The following MYO9A variants were observed in gnomAD, a reference collection of about 807,000 sequenced individuals.
MYO9A encodes myosin IXA.
Under a neutral mutation model 293.3 loss-of-function variants are expected in MYO9A, and 103 were observed. The observed-to-expected ratio is 0.35, with a 90% confidence interval of 0.30 to 0.41. The LOEUF is 0.41. MYO9A is among the 10% of genes least tolerant of loss of function. MYO9A has a pLI of 1.00. For synonymous variants in MYO9A, 1,001 were observed against 1,035.7 expected, an observed-to-expected ratio of 0.97 and a Z score of 0.64; for missense variants, 2,685 against 3,033.0, an observed-to-expected ratio of 0.89 and a Z score of 2.69.
At chr15:71,902,523 A>G (rs537803792) in intron 22 of MYO9A, among the ~76,000 whole-genome samples, 1 of 152,254 alleles carries the variant, frequency 6.6e-6, no homozygotes, top group Non-Finnish European at 1.5e-5. Context: ...TCTCTTTGTA[A>G]AAGGAAAAAA....
chr15:72,032,691 T>A, intron 2 of MYO9A, 103 bp from the exon 3 acceptor site: 1 of 620,928 alleles, frequency 1.6e-6, no homozygotes, highest in African/African-American at 1.9e-5. Flanking sequence ...GACAAAATGT[T>A]AAAGAGACAG....
At chr15:71,958,320 A>G (rs995505523) in intron 14 of MYO9A, among the ~76,000 whole-genome samples, 15 of 152,182 alleles carry the variant, frequency 9.9e-5, no homozygotes, top group African/African-American at 3.6e-4. Context: ...ACAGTGATAC[A>G]ATGTTCCAAC....
intron 18 of MYO9A, among the ~76,000 whole-genome samples, chr15:71,926,316 C>A (rs987139320): frequency 6.6e-6 from 1 of 152,152 alleles, no homozygotes; most frequent in South Asian, 2.1e-4. Flanking sequence ...ATAATCCCAG[C>A]AACTTGGGAG....
chr15:71,900,229 T>TA (rs2057445324), intron 23 of MYO9A, among the ~76,000 whole-genome samples: 1 of 152,082 alleles, frequency 6.6e-6, no homozygotes, highest in African/African-American at 2.4e-5. Context: ...GGTCAGGAGA[T>TA]AGAGACCAAC....
At chr15:71,854,970 CA>C (rs2055806686) in intron 34 of MYO9A, among the ~76,000 whole-genome samples, 1 of 152,132 alleles carries the variant, frequency 6.6e-6, no homozygotes, top group Admixed American at 6.5e-5. Flanking sequence ...AGTTCTTAAG[CA>C]TAAGAATGCT....
rs4777487 is a variant in MYO9A, at chr15:72,118,008, A to G, written c.-400T>C. Reference sequence around the variant, plus strand: ...TACTGCCTCCGCCGCCGCCTCTCGCAGTCCGGGCTGTCCTGTACTCTCTCA... The same window carrying G: ...TACTGCCTCCGCCGCCGCCTCTCGCGGTCCGGGCTGTCCTGTACTCTCTCA... On this transcript the variant is annotated 5_prime_UTR_variant, in exon 1 of 42. Coordinates refer to ENST00000356056, the MANE Select transcript of MYO9A (RefSeq NM_006901.4). The G allele has an allele frequency of 0.98, 389,750 of 398,442 alleles. 191,181 individuals carry two copies. The highest frequency in any genetic ancestry group is 1 in the East Asian group (28,046 of 28,046). The allele number at this position is 398,442 out of a possible 1,614,324, so 24.7% of individuals were successfully genotyped here.
At chr15:72,022,529 A>T (rs2077533921) in intron 4 of MYO9A, among the ~76,000 whole-genome samples, 2 of 152,038 alleles carry the variant, frequency 1.3e-5, no homozygotes, top group African/African-American at 4.8e-5. Flanking sequence ...CAAAAAAAAA[A>T]AAAAATCCAA....
At chr15:71,836,033 G>C (rs2140866299) in intron 39 of MYO9A, among the ~76,000 whole-genome samples, 1 of 152,082 alleles carries the variant, frequency 6.6e-6, no homozygotes, top group Non-Finnish European at 1.5e-5. Flanking sequence ...TAAAGGGAAA[G>C]ACTGATTAAC....
chr15:71,950,127 T>G (rs1190592440), intron 15 of MYO9A: 1 of 152,030 alleles, frequency 6.6e-6, no homozygotes, highest in Non-Finnish European at 1.5e-5. Context: ...TTAAGAACAA[T>G]TTCCAAAACT....
chr15:71,875,834 G>T lies in MYO9A; in HGVS notation c.5936C>A (p.Pro1979Gln). 7.3e-7 allele frequency: 1 copy of T among 1,374,520 alleles called. No homozygotes were observed. Among genetic ancestry groups the T allele is most frequent in the Non-Finnish European group, 9.5e-7 (1 of 1,057,656 alleles). The allele number at this position is 1,374,520 out of a possible 1,614,324, so 85.1% of individuals were successfully genotyped here. Residue 1979 changes from proline (P) to glutamine (Q), a missense_variant, in exon 32 of 42, where the codon CCA becomes CAA. Pro to Gln is a moderately conservative substitution (Grantham distance 76). Transcript: ENST00000356056. Reference sequence around the variant, plus strand: ...CCTTCTTTTCTTTCTTTCTGTTTTTGGCACCTGACAGGGGGACAGGAGATA... The same window carrying T: ...CCTTCTTTTCTTTCTTTCTGTTTTTTGCACCTGACAGGGGGACAGGAGATA... ...KTSDCTATKVPKTERKKRRKK... is the reference protein window; with the variant it reads ...KTSDCTATKVQKTERKKRRKK...
At chr15:71,839,286 G>C (rs2055057261) in intron 39 of MYO9A, among the ~76,000 whole-genome samples, 2 of 152,224 alleles carry the variant, frequency 1.3e-5, no homozygotes, top group Non-Finnish European at 2.9e-5. Context: ...TTAAGGTAGA[G>C]AGGTAGGGTA....
intron 25 of MYO9A, among the ~76,000 whole-genome samples, chr15:71,894,307 T>C (rs1305970601): frequency 6.6e-6 from 1 of 152,204 alleles, no homozygotes; most frequent in Non-Finnish European, 1.5e-5. Context: ...CTGGGTGCAG[T>C]GGCTCATGCC....
intron 1 of MYO9A, among the ~76,000 whole-genome samples, chr15:72,081,407 G>C (rs1288093471): frequency 6.6e-6 from 1 of 151,808 alleles, no homozygotes; most frequent in Non-Finnish European, 1.5e-5. Context: ...CTTTTTAGCG[G>C]GTTTTCTTCT....
chr15:72,035,984 T>C (rs1240331710), intron 2 of MYO9A, among the ~76,000 whole-genome samples: 1 of 150,336 alleles, frequency 6.7e-6, no homozygotes, highest in African/African-American at 2.5e-5. Flanking sequence ...AAGGTAATAT[T>C]TTAAATTCAT....
In MYO9A at chr15:71,826,742, C is replaced by G. The variant is rs190800927; in HGVS notation, c.7485G>C (p.Pro2495=). The G allele has an allele frequency of 2.5e-6, 4 of 1,614,054 alleles. No individual in the cohort carries two copies. The highest frequency in any genetic ancestry group is 3.4e-6 in the Non-Finnish European group (4 of 1,179,988). The change falls in exon 42 of 42, where the codon CCG becomes CCC. Residue 2495 remains proline, a synonymous_variant. Transcript: ENST00000356056. ...PQFISRGTFN[P]EKGKQKLKNV... is the part of the protein sequence containing the mutation. ...TCTTTAATTTTTGTTTGCCCTTTTC[C>G]GGGTTGAAGGTTCCTCTGCTGATGA...
chr15:71,958,254 CATT>C (rs2059248638), intron 14 of MYO9A, among the ~76,000 whole-genome samples: 1 of 152,076 alleles, frequency 6.6e-6, no homozygotes, highest in South Asian at 2.1e-4. Context: ...TATTTACGGT[CATT>C]ATAAAAATTC....
rs1465637757 is a variant in MYO9A, at chr15:72,087,265, T to C, written c.-72+30415A>G. ...CTGCCCTGCAGAGTTCAGGTCTGACTTTCTCTAGGGCTAAAGTCTCCTATG... is the reference window on the plus strand; with the variant it reads ...CTGCCCTGCAGAGTTCAGGTCTGACCTTCTCTAGGGCTAAAGTCTCCTATG... On this transcript the variant is annotated intron_variant, in intron 1 of 41. Transcript: ENST00000356056. Among the ~76,000 whole-genome samples the C allele has an allele frequency of 4.6e-5, 7 of 152,326 alleles. No individual in the cohort carries two copies. In the East Asian group the frequency reaches 1.4e-3, roughly 29 times the overall value.
intron 4 of MYO9A, among the ~76,000 whole-genome samples, chr15:72,025,012 TA>T (rs1252187675): frequency 6.6e-6 from 1 of 152,124 alleles, no homozygotes; most frequent in Non-Finnish European, 1.5e-5. Flanking sequence ...TCAAATGCTC[TA>T]ATCTAAAGGT....
intron 17 of MYO9A, among the ~76,000 whole-genome samples, chr15:71,934,592 CT>C (rs1004262704): frequency 6.0e-5 from 9 of 150,494 alleles, no homozygotes; most frequent in Non-Finnish European, 8.9e-5. Context: ...TAACTAATAA[CT>C]TTTTTTCCTT....
Sources: allele counts gnomAD v4.1 joint callset (sites outside exome capture counted in the v4.1 genomes callset), GRCh38; gene constraint gnomAD v4.1.1; transcripts MANE v1.5; gene names NCBI Gene and HGNC (gene_info 2026-07-23, HGNC 2026-07-21).